TPCN1: variants seen among roughly 807,000 people sequenced by gnomAD.
TPCN1 encodes the protein two pore segment channel 1, also known as two pore channel protein 1.
In TPCN1, 52 loss-of-function variants were observed where a neutral mutation model predicts 108.8. The ratio of observed to expected loss-of-function variants is 0.48; its 90% confidence interval spans 0.38 to 0.60. The LOEUF is 0.60. Ranked by LOEUF, TPCN1 falls within the 20% of genes least tolerant of loss-of-function variation. The pLI, the probability that TPCN1 is intolerant of heterozygous loss-of-function variation, is 0.00. For missense variants in TPCN1, 806 were observed against 1,072.8 expected (o/e 0.75, Z 3.47); for synonymous variants, 446 against 433.7 (o/e 1.03, Z -0.35).
In TPCN1 at chr12:113,266,271, T is replaced by C; in HGVS notation, c.329T>C (p.Leu110Pro). The C allele has an allele frequency of 6.2e-7, 1 of 1,613,904 alleles. No individual in the cohort carries two copies. Among genetic ancestry groups the C allele is most frequent in the Non-Finnish European group, 8.5e-7 (1 of 1,180,022 alleles). ...YLFAHNHLFY[L>P]MELATALLLL... ...TTTGCACACAATCACCTCTTCTACC[T>C]GATGGAGCTGGCCACGGCCCTGCTG... The change falls in exon 4 of 28, where the codon CTG becomes CCG. Residue 110 changes from leucine to proline, a missense_variant. Leu to Pro is a moderately conservative substitution (Grantham distance 98, BLOSUM62 -3). Coordinates refer to ENST00000335509, the MANE Select transcript of TPCN1 (RefSeq NM_017901.6). The surrounding 1 kb of genome is among the most constrained non-coding windows in gnomAD (Gnocchi z 4.2).
chr12:113,261,200 T>G (rs1191736175), intron 3 of TPCN1, among the ~76,000 whole-genome samples: 1 of 151,914 alleles, frequency 6.6e-6, no homozygotes, highest in African/African-American at 2.4e-5. Flanking sequence ...AAACAAAAAA[T>G]TTTGTATTTT....
chr12:113,260,399 G>A lies in TPCN1; in HGVS notation c.144G>A (p.Gln48=). ...NGGSYAIHDS[Q]APSLSSGGES... Reference sequence around the variant, plus strand: ...GCAGCTATGCCATCCACGACTCCCAGGCCCCCAGTCTCAGCTCTGGGGGTG... The same window carrying A: ...GCAGCTATGCCATCCACGACTCCCAAGCCCCCAGTCTCAGCTCTGGGGGTG... The change falls in exon 3 of 28, where the codon CAG becomes CAA. Residue 48 remains glutamine, a synonymous_variant. Transcript: ENST00000335509. The A allele has an allele frequency of 6.6e-7, 1 of 1,513,380 alleles. No individual in the cohort carries two copies. Among genetic ancestry groups the A allele is most frequent in the Non-Finnish European group, 8.8e-7 (1 of 1,135,994 alleles). The allele number at this position is 1,513,380 out of a possible 1,614,324, so 93.7% of individuals were successfully genotyped here. A position where few individuals can be genotyped will look rare whatever the true frequency, so the allele number is the denominator to read the frequency against.
chr12:113,239,963 G>A (rs1000699139), intron 2 of TPCN1, among the ~76,000 whole-genome samples: 10 of 152,200 alleles, frequency 6.6e-5, no homozygotes, highest in African/African-American at 1.9e-4. Flanking sequence ...CCAAGCTGCC[G>A]GCTGCGCTGC....
Position 113,231,651 on chromosome 12 carries a change from G to C in TPCN1, c.112+4687G>C, listed in dbSNP as rs1335718628. On this transcript the variant is annotated intron_variant, in intron 2 of 27. Transcript: ENST00000335509. This position sits in a 1 kb window ranked among gnomAD's most constrained non-coding sequence, Gnocchi z 4.3. ...AACCCTATGTGAGGGCCTTATCCCT[G>C]CAGGAAACTGGAGGGTTTGGGTTTT... Among the ~76,000 whole-genome samples the C allele has an allele frequency of 1.3e-5, 2 of 152,180 alleles. No individual in the cohort carries two copies. The highest frequency in any genetic ancestry group is 2.9e-5 in the Non-Finnish European group (2 of 68,040).
At chr12:113,285,742 C>A in intron 17 of TPCN1, 147 bp from the exon 18 acceptor site, 2 of 706,304 alleles carry the variant, frequency 2.8e-6, no homozygotes, top group Non-Finnish European at 5.1e-6. Flanking sequence ...CCTGCTCTCA[C>A]GCTGGGACAT....
chr12:113,224,807 A>T (rs569848545), intron 1 of TPCN1, among the ~76,000 whole-genome samples: 2 of 151,824 alleles, frequency 1.3e-5, no homozygotes, highest in African/African-American at 2.4e-5. Flanking sequence ...GCTGCAGTGC[A>T]GTGCACCATC....
chr12:113,241,281 C>G (rs1437088505), intron 2 of TPCN1, among the ~76,000 whole-genome samples: 2 of 152,266 alleles, frequency 1.3e-5, no homozygotes, highest in Non-Finnish European at 2.9e-5. Context: ...CCAGCTGTCA[C>G]TTCCCCAATG....
At chr12:113,244,212 C>G (rs904524133) in intron 2 of TPCN1, 3 of 676,980 alleles carry the variant, frequency 4.4e-6, no homozygotes, top group Non-Finnish European at 5.5e-6. Context: ...GTCCCTCCCT[C>G]TAGAACAGGG....
intron 14 of TPCN1, among the ~76,000 whole-genome samples, chr12:113,279,752 A>G (rs936934630): frequency 6.6e-6 from 1 of 152,138 alleles, no homozygotes; most frequent in Non-Finnish European, 1.5e-5. Flanking sequence ...TATACTTTGC[A>G]TGACCCCTTG....
chr12:113,246,129 C>CGTT (rs987903413), intron 2 of TPCN1: 3 of 434,808 alleles, frequency 6.9e-6, no homozygotes, highest in African/African-American at 6.1e-5. Flanking sequence ...TCAGAGTTTG[C>CGTT]GTTGTTGTTT....
intron 14 of TPCN1, among the ~76,000 whole-genome samples, chr12:113,279,568 T>C (rs1489464368): frequency 6.7e-6 from 1 of 149,568 alleles, no homozygotes; most frequent in Non-Finnish European, 1.5e-5. Context: ...CCGGCTAATT[T>C]TGTGTGTGTG....
chr12:113,251,253 A>T (rs1029704334), intron 2 of TPCN1, among the ~76,000 whole-genome samples: 1 of 152,204 alleles, frequency 6.6e-6, no homozygotes, highest in Admixed American at 6.5e-5. Context: ...GTGAGCCATG[A>T]TAGTGCCACT....
chr12:113,243,881 C>T (rs1954244993), intron 2 of TPCN1, among the ~76,000 whole-genome samples: 1 of 152,200 alleles, frequency 6.6e-6, no homozygotes, highest in Admixed American at 6.5e-5. Flanking sequence ...GTGGGCATCT[C>T]AGGCTGCAGT....
At chr12:113,287,719 C>G (rs534027667) in intron 19 of TPCN1, among the ~76,000 whole-genome samples, 1 of 152,152 alleles carries the variant, frequency 6.6e-6, no homozygotes, top group African/African-American at 2.4e-5. Flanking sequence ...AAAAGCCTAC[C>G]CCCTTGGCGT....
At chr12:113,290,368 C>T in intron 22 of TPCN1, 125 bp downstream of exon 22, 4 of 697,914 alleles carry the variant, frequency 5.7e-6, no homozygotes, top group Admixed American at 2.3e-5. Context: ...CCTCCCTGGC[C>T]CAGGTGGAGG....
chr12:113,288,897 G>A lies in TPCN1; in HGVS notation c.1796+50G>A. 1 of 1,576,696 alleles carries A rather than the reference G, an allele frequency of 6.3e-7. No homozygotes were observed. The highest frequency in any genetic ancestry group is 8.7e-7 in the Non-Finnish European group (1 of 1,148,940). On this transcript the variant is annotated intron_variant, in intron 21 of 27. Transcript: ENST00000335509. The surrounding 1 kb of genome is among the most constrained non-coding windows in gnomAD (Gnocchi z 4.8). ...GGCAGCCTGCATTTCCCGGGCAGAG[G>A]GCTGGCCAGGGCCAGGATTGGTGTC...
chr12:113,290,200 C>T lies in TPCN1; in HGVS notation c.1869C>T (p.Gly623=), dbSNP rs146118100. ...TVGNRTVVEE[G]YYYLNNFDNI... is the part of the protein sequence containing the mutation. ...GCAACAGGACCGTGGTGGAGGAAGG[C>T]TACTATTATCTCAATAATTTTGACA... is the stretch of plus-strand genomic sequence containing the variant. The change falls in exon 22 of 28, where the codon GGC becomes GGT. Residue 623 remains glycine (G), a synonymous_variant. Coordinates refer to ENST00000335509, the MANE Select transcript of TPCN1 (RefSeq NM_017901.6). 3.2e-3 allele frequency: 5,113 copies of T among 1,606,798 alleles called. 20 individuals are homozygous for T. The highest frequency in any genetic ancestry group is 8.3e-3 in the Middle Eastern group (49 of 5,900).
chr12:113,269,794 A>G lies in TPCN1; in HGVS notation c.697A>G (p.Met233Val), dbSNP rs776297736. 10 of 1,613,702 alleles carry G rather than the reference A, an allele frequency of 6.2e-6. No homozygotes were observed. The East Asian group carries it at 6.7e-5, about 11-fold the overall frequency. ...RQIFQSLPPFMDILLLLLFFM... is the reference protein window; with the variant it reads ...RQIFQSLPPFVDILLLLLFFM... The stretch of plus-strand genomic sequence containing the variant: ...GATCTTCCAGTCCCTGCCGCCCTTC[A>G]TGGACATCCTCCTGCTGCTGCTGTT... Residue 233 changes from methionine to valine, a missense_variant, in exon 7 of 28, where the codon ATG (methionine) becomes GTG (valine). Transcript: ENST00000335509. The surrounding 1 kb of genome is among the most constrained non-coding windows in gnomAD (Gnocchi z 5.0).
chr12:113,257,100 A>G (rs1046730265), intron 2 of TPCN1, among the ~76,000 whole-genome samples: 11 of 152,244 alleles, frequency 7.2e-5, no homozygotes, highest in Non-Finnish European at 1.6e-4. Flanking sequence ...TAGATGGTAA[A>G]TAAACATATG....
Sources: allele counts gnomAD v4.1 joint callset (sites outside exome capture counted in the v4.1 genomes callset), GRCh38; gene constraint gnomAD v4.1.1; non-coding constraint Gnocchi (gnomAD v3.1); transcripts MANE v1.5; gene names NCBI Gene and HGNC (gene_info 2026-07-23, HGNC 2026-07-21).